The following PTPRO variants were observed in gnomAD, a reference collection of about 807,000 sequenced individuals.
The protein encoded by PTPRO is receptor-type tyrosine-protein phosphatase O.
PTPRO carries 62 observed loss-of-function variants against 145.2 expected under a neutral mutation model. The observed-to-expected ratio is 0.43, with a 90% CI of 0.35 to 0.53. The LOEUF (loss-of-function observed/expected upper bound fraction) is 0.53, where lower values mean the gene tolerates loss of function less well. PTPRO is among the 20% of genes least tolerant of loss of function. The pLI is 0.01. For missense variants in PTPRO, 1,345 were observed against 1,482.7 expected (o/e 0.91, Z 1.53); for synonymous variants, 565 against 514.7 (o/e 1.10, Z -1.32).
rs368353066 is a variant in PTPRO, at chr12:15,369,445, G to A, written c.75+46644G>A. ...GATGCGAAACCTTCTCAGTCATATC[G>A]TCATGGTTTGTTTAAGCTAAACAAT... On this transcript the variant is annotated intron_variant, in intron 1 of 26. Coordinates refer to ENST00000281171, the MANE Select transcript of PTPRO (RefSeq NM_030667.3). Among the ~76,000 whole-genome samples, 9 of 152,144 alleles carry A rather than the reference G, an allele frequency of 5.9e-5. No individual in the cohort carries two copies. In the East Asian group the frequency reaches 1.4e-3, roughly 23 times the overall value.
At chr12:15,555,209 G>A (rs964855611) in intron 15 of PTPRO, among the ~76,000 whole-genome samples, 1 of 152,126 alleles carries the variant, frequency 6.6e-6, no homozygotes, top group Non-Finnish European at 1.5e-5. Context: ...CTGCACTCCA[G>A]CCTGGGCGAC....
intron 6 of PTPRO, among the ~76,000 whole-genome samples, chr12:15,507,055 T>C (rs1942335119): frequency 6.6e-6 from 1 of 152,172 alleles, no homozygotes; most frequent in Admixed American, 6.5e-5. Flanking sequence ...ACTCTATCTC[T>C]ACCTCAGTTT....
chr12:15,361,298 G>A (rs927903326), intron 1 of PTPRO, among the ~76,000 whole-genome samples: 11 of 151,310 alleles, frequency 7.3e-5, no homozygotes. Context: ...AATTAGCCTG[G>A]CGTAGTGGCT....
intron 1 of PTPRO, among the ~76,000 whole-genome samples, chr12:15,453,210 C>T (rs1464871052): frequency 2.0e-5 from 3 of 152,006 alleles, no homozygotes; most frequent in Admixed American, 6.6e-5. Context: ...AGGCTGGTCT[C>T]AAACTCCTGA....
intron 1 of PTPRO, among the ~76,000 whole-genome samples, chr12:15,330,547 T>C (rs947761795): frequency 3.3e-5 from 5 of 152,222 alleles, no homozygotes; most frequent in African/African-American, 1.2e-4. Context: ...CTTTGGTTCC[T>C]AGTGAGTTTG....
intron 1 of PTPRO, among the ~76,000 whole-genome samples, chr12:15,483,069 T>G (rs1172389894): frequency 6.6e-6 from 1 of 152,106 alleles, no homozygotes; most frequent in Non-Finnish European, 1.5e-5. Context: ...CAGCAATTTT[T>G]CCACCCTGCT....
chr12:15,445,885 G>A (rs973276711), intron 1 of PTPRO, among the ~76,000 whole-genome samples: 10 of 152,072 alleles, frequency 6.6e-5, no homozygotes, highest in Non-Finnish European at 1.2e-4. Context: ...ATTAAAATGG[G>A]AGGACAGAAA....
chr12:15,421,047 T>G (rs1439909803), intron 1 of PTPRO, among the ~76,000 whole-genome samples: 1 of 152,234 alleles, frequency 6.6e-6, no homozygotes, highest in Admixed American at 6.5e-5. Context: ...TTATCAAATT[T>G]TGCCATTATT....
chr12:15,502,771 T>G (rs573670878), intron 5 of PTPRO, among the ~76,000 whole-genome samples: 3 of 152,320 alleles, frequency 2.0e-5, no homozygotes, highest in African/African-American at 4.8e-5. Context: ...AATTGTTGTT[T>G]GGTAGATTTT....
intron 1 of PTPRO, among the ~76,000 whole-genome samples, chr12:15,425,317 T>C (rs1341253906): frequency 1.3e-5 from 2 of 152,176 alleles, no homozygotes; most frequent in Admixed American, 6.6e-5. Flanking sequence ...ATAACAATCC[T>C]ATGGGGAAGG....
chr12:15,372,315 G>A (rs1257792644), intron 1 of PTPRO, among the ~76,000 whole-genome samples: 2 of 152,090 alleles, frequency 1.3e-5, no homozygotes, highest in East Asian at 3.9e-4. Flanking sequence ...GCTAGAAAGA[G>A]CTTTCCTCTT....
chr12:15,513,031 AAGAG>A (rs1056887868), intron 7 of PTPRO, among the ~76,000 whole-genome samples: 4 of 150,084 alleles, frequency 2.7e-5, no homozygotes, highest in East Asian at 2.0e-4. Context: ...GAAAGAAAGA[AAGAG>A]AGAGAGAGGA....
intron 18 of PTPRO, among the ~76,000 whole-genome samples, 165 bp from the exon 19 acceptor site, chr12:15,569,252 T>G (rs1319143871): frequency 1.3e-5 from 2 of 151,982 alleles, no homozygotes; most frequent in Non-Finnish European, 2.9e-5. Flanking sequence ...TTGCAATATA[T>G]TAAGGATTGG....
At chr12:15,479,251 A>G (rs1002367548) in intron 1 of PTPRO, among the ~76,000 whole-genome samples, 2 of 152,164 alleles carry the variant, frequency 1.3e-5, no homozygotes, top group Non-Finnish European at 2.9e-5. Context: ...CAATTTGACT[A>G]TAGAACAAGC....
intron 1 of PTPRO, among the ~76,000 whole-genome samples, chr12:15,401,864 G>T (rs558592675): frequency 3.0e-4 from 45 of 152,284 alleles, no homozygotes; most frequent in Middle Eastern, 6.8e-3. Flanking sequence ...ATTAAAATTT[G>T]TTAGAGTATA....
intron 6 of PTPRO, 99 bp downstream of exon 6, chr12:15,504,168 G>C (rs1942275557): frequency 1.5e-6 from 2 of 1,319,314 alleles, no homozygotes; most frequent in East Asian, 2.5e-5. Flanking sequence ...ACAAACCTTA[G>C]GGATGATGAG....
intron 3 of PTPRO, 109 bp from the exon 4 acceptor site, chr12:15,499,333 G>C: frequency 8.8e-7 from 1 of 1,140,038 alleles, no homozygotes; most frequent in Non-Finnish European, 1.3e-6. Context: ...AACAGTAGTT[G>C]AAGGAAATAT....
chr12:15,550,513 C>T (rs1591719017), intron 14 of PTPRO, among the ~76,000 whole-genome samples: 1 of 152,108 alleles, frequency 6.6e-6, no homozygotes, highest in African/African-American at 2.4e-5. Flanking sequence ...AGCTCCATGA[C>T]AATGTAGCAT....
At chr12:15,419,360 A>G (rs1356878173) in intron 1 of PTPRO, among the ~76,000 whole-genome samples, 2 of 151,554 alleles carry the variant, frequency 1.3e-5, no homozygotes, top group East Asian at 3.9e-4. Context: ...ATTAGAAATA[A>G]CATCTATAAA....
Sources: gnomAD v4.1 joint callset for allele counts (sites outside exome capture counted in the v4.1 genomes callset) on GRCh38, gnomAD v4.1.1 for gene constraint, MANE v1.5 for transcripts, NCBI Gene and HGNC (gene_info 2026-07-23, HGNC 2026-07-21) for gene names.